The following FHIT variants were observed in gnomAD, a reference collection of about 807,000 sequenced individuals.
The protein encoded by FHIT is bis(5'-adenosyl)-triphosphatase.
Under a neutral mutation model 17.9 loss-of-function variants are expected in FHIT, and 19 were observed. The observed-to-expected ratio is 1.06, with a 90% CI of 0.74 to 1.56. FHIT has a LOEUF of 1.56. Among genes scored for constraint, FHIT ranks in the 40% most tolerant of loss-of-function variants. The pLI is 0.00. For missense variants in FHIT, 248 were observed against 189.2 expected (o/e 1.31, Z -1.82); for synonymous variants, 81 against 69.7 (o/e 1.16, Z -0.81).
chr3:60,504,673 C>A (rs1026267866), intron 5 of FHIT, among the ~76,000 whole-genome samples: 1 of 151,946 alleles, frequency 6.6e-6, no homozygotes, highest in African/African-American at 2.4e-5. Flanking sequence ...AAGTGATTAA[C>A]AAAATAAGAA....
At chr3:59,783,338 G>A (rs780348) in intron 8 of FHIT, among the ~76,000 whole-genome samples, 19,217 of 152,042 alleles carry the variant, frequency 0.13, 1,338 homozygotes, top group Non-Finnish European at 0.17. Context: ...GGGTGGTGGC[G>A]CATGCCTGTA....
chr3:60,602,718 C>A (rs1353036283), intron 4 of FHIT, among the ~76,000 whole-genome samples: 2 of 152,112 alleles, frequency 1.3e-5, no homozygotes, highest in Non-Finnish European at 2.9e-5. Flanking sequence ...ATACTTATGT[C>A]TTCTCCAAAT....
intron 4 of FHIT, among the ~76,000 whole-genome samples, chr3:60,615,565 T>C (rs1444606747): frequency 6.6e-6 from 1 of 152,238 alleles, no homozygotes; most frequent in African/African-American, 2.4e-5. Flanking sequence ...CCAATTCACC[T>C]ATGCGGTAAC....
intron 4 of FHIT, among the ~76,000 whole-genome samples, chr3:60,537,768 C>G (rs1411654072): frequency 6.6e-6 from 1 of 152,056 alleles, no homozygotes; most frequent in Non-Finnish European, 1.5e-5. Flanking sequence ...CAGGTGGATG[C>G]CAATACATGA....
At chr3:61,041,244 T>C (rs760520751) in intron 3 of FHIT, among the ~76,000 whole-genome samples, 1 of 151,812 alleles carries the variant, frequency 6.6e-6, no homozygotes, top group African/African-American at 2.4e-5. Flanking sequence ...CTAGGTGTGG[T>C]GGCACGCCTC....
intron 4 of FHIT, among the ~76,000 whole-genome samples, chr3:60,557,051 C>T (rs920368232): frequency 6.6e-6 from 1 of 152,194 alleles, no homozygotes; most frequent in African/African-American, 2.4e-5. Flanking sequence ...GTTAACCATA[C>T]TAATAAGAGC....
rs535911312 is a variant in FHIT at position 60,545,896 on chromosome 3, A to G, written c.-17-8917T>C. Among the ~76,000 whole-genome samples the G allele has an allele frequency of 3.3e-5, 5 of 152,314 alleles. No homozygotes were observed. In the East Asian group the frequency reaches 5.8e-4, roughly 18 times the overall value. ...TCTCATTGCTTCATTGGTTTCTGAG[A>G]GGACTGTTTTAAATTTCTAACTATA... On this transcript the variant is annotated intron_variant, in intron 4 of 9. Transcript: ENST00000492590.
chr3:60,121,243 T>C (rs1705232283), intron 5 of FHIT, among the ~76,000 whole-genome samples: 1 of 152,146 alleles, frequency 6.6e-6, no homozygotes, highest in Non-Finnish European at 1.5e-5. Flanking sequence ...ATCTGTTACA[T>C]ATTAATGCTA....
At chr3:60,539,121 A>T (rs2036091844) in intron 4 of FHIT, among the ~76,000 whole-genome samples, 3 of 152,232 alleles carry the variant, frequency 2.0e-5, no homozygotes, top group Admixed American at 6.5e-5. Context: ...CCCATCAACA[A>T]GTGGGCGAAA....
chr3:60,889,940 A>G (rs561960232), intron 3 of FHIT, among the ~76,000 whole-genome samples: 143 of 152,340 alleles, frequency 9.4e-4, no homozygotes, highest in African/African-American at 3.3e-3. Flanking sequence ...AAATATGTCT[A>G]TGTCTGTGCA....
At chr3:59,862,337 A>G (rs971088706) in intron 8 of FHIT, among the ~76,000 whole-genome samples, 1 of 152,190 alleles carries the variant, frequency 6.6e-6, no homozygotes, top group Non-Finnish European at 1.5e-5. Context: ...ACCCGCTCCC[A>G]TGATTCCCAC....
intron 5 of FHIT, among the ~76,000 whole-genome samples, chr3:60,523,449 T>A (rs2035450376): frequency 6.6e-6 from 1 of 152,168 alleles, no homozygotes; most frequent in Non-Finnish European, 1.5e-5. Flanking sequence ...TCCTTGATTA[T>A]TATAGAAATA....
intron 8 of FHIT, among the ~76,000 whole-genome samples, chr3:59,770,191 C>T (rs1394185007): frequency 1.3e-5 from 2 of 152,202 alleles, no homozygotes; most frequent in Admixed American, 1.3e-4. Context: ...CTGCAAAAAG[C>T]TCTTTTTTGT....
At chr3:61,099,930 C>A (rs1456484536) in intron 2 of FHIT, among the ~76,000 whole-genome samples, 1 of 152,050 alleles carries the variant, frequency 6.6e-6, no homozygotes, top group Non-Finnish European at 1.5e-5. Context: ...TTAAATTTTA[C>A]ACCAGGAATG....
intron 5 of FHIT, among the ~76,000 whole-genome samples, chr3:60,084,057 C>T (rs907844585): frequency 1.3e-5 from 2 of 152,146 alleles, no homozygotes; most frequent in African/African-American, 4.8e-5. Flanking sequence ...CTTTTTATAG[C>T]AATATCACTT....
intron 4 of FHIT, chr3:60,732,622 G>C (rs782244251): frequency 5.7e-6 from 3 of 521,900 alleles, no homozygotes; most frequent in Non-Finnish European, 7.5e-6. Context: ...GGAAGTACAC[G>C]GTGGGGTTGA....
chr3:60,462,308 G>A (rs2032523805), intron 5 of FHIT, among the ~76,000 whole-genome samples: 1 of 152,160 alleles, frequency 6.6e-6, no homozygotes, highest in South Asian at 2.1e-4. Flanking sequence ...TTACAGAGGA[G>A]CCACTGAGGC....
chr3:60,533,853 G>GGAAGA (rs899566535), intron 5 of FHIT, among the ~76,000 whole-genome samples: 4 of 152,266 alleles, frequency 2.6e-5, no homozygotes, highest in Admixed American at 2.6e-4. Context: ...TATTAACAAG[G>GGAAGA]GAAGAGAAGA....
chr3:60,260,916 C>G lies in FHIT; in HGVS notation c.104-246764G>C, dbSNP rs369563666. On this transcript the variant is annotated intron_variant, in intron 5 of 9. Transcript: ENST00000492590. ...AAACACACTCCCACCAGCGCCATGA[C>G]AGTTTACAAATGCCATGGCAAAGTC... Among the ~76,000 whole-genome samples the G allele has an allele frequency of 5.9e-5, 9 of 152,098 alleles. No individual in the cohort carries two copies. In the East Asian group the frequency reaches 1.2e-3, roughly 20 times the overall value.
Sources: allele counts gnomAD v4.1 joint callset (sites outside exome capture counted in the v4.1 genomes callset), GRCh38; gene constraint gnomAD v4.1.1; transcripts MANE v1.5; gene names NCBI Gene and HGNC (gene_info 2026-07-23, HGNC 2026-07-21).